CNNM2: variants seen among roughly 807,000 people sequenced by gnomAD.
CNNM2 encodes the protein metal transporter CNNM2.
Under a neutral mutation model 66.9 loss-of-function variants are expected in CNNM2, and 12 were observed. That is an observed-to-expected ratio of 0.18 (90% CI 0.11 to 0.29). CNNM2 has a LOEUF of 0.29. CNNM2 is among the 10% of genes least tolerant of loss of function. The pLI, the probability that CNNM2 is intolerant of heterozygous loss-of-function variation, is 1.00. For synonymous variants in CNNM2, 557 were observed against 501.8 expected (o/e 1.11, Z -1.47); for missense variants, 705 against 1,167.7 (o/e 0.60, Z 5.77).
chr10:102,980,325 T>G lies in CNNM2; in HGVS notation c.1621+60224T>G, dbSNP rs534664776. Among the ~76,000 whole-genome samples the G allele has an allele frequency of 7.8e-4, 109 of 139,942 alleles. No individual in the cohort carries two copies. The South Asian group carries it at 0.013, about 17-fold the overall frequency. The allele number at this position is 139,942 out of a possible 152,430, so 91.8% of individuals were successfully genotyped here. ...TCTATTTTATTTCAGTTTTAGTGGG[T>G]TTTTTTTTTTTTCATAGCTCACTGC... On this transcript the variant is annotated intron_variant, in intron 1 of 7. Coordinates refer to ENST00000369878, the MANE Select transcript of CNNM2 (RefSeq NM_017649.5).
chr10:102,967,580 C>T (rs993708260), intron 1 of CNNM2, among the ~76,000 whole-genome samples: 2 of 152,198 alleles, frequency 1.3e-5, no homozygotes, highest in African/African-American at 4.8e-5. Context: ...GAGGCTCAGC[C>T]ATGGTGTAGC....
intron 1 of CNNM2, among the ~76,000 whole-genome samples, chr10:102,983,687 T>C (rs1408250951): frequency 1.3e-5 from 2 of 151,934 alleles, no homozygotes; most frequent in African/African-American, 4.8e-5. Context: ...GTGCTCCTCC[T>C]TCCTTGTCTT....
chr10:102,926,790 A>G (rs1015789365), intron 1 of CNNM2, among the ~76,000 whole-genome samples: 17 of 141,780 alleles, frequency 1.2e-4, no homozygotes, highest in African/African-American at 4.3e-4. Context: ...ATATCGGCTC[A>G]CTGCAAGCTC....
Position 102,986,729 on chromosome 10 carries a change from G to A in CNNM2, c.1622-62978G>A, listed in dbSNP as rs369587995. On this transcript the variant is annotated intron_variant, in intron 1 of 7. Coordinates refer to ENST00000369878, the MANE Select transcript of CNNM2 (RefSeq NM_017649.5). Reference sequence around the variant, plus strand: ...TGGGAGGCGGAGCTTGCAGTGACCCGAGATTGCGCCACTGCACTCCAGCCG... The same window carrying A: ...TGGGAGGCGGAGCTTGCAGTGACCCAAGATTGCGCCACTGCACTCCAGCCG... 2.2e-3 allele frequency among the ~76,000 whole-genome samples: 319 copies of A among 146,186 alleles called. 3 individuals carry two copies. Among genetic ancestry groups the A allele is most frequent in the African/African-American group, 8.0e-3 (314 of 39,314 alleles).
At chr10:102,957,300 C>T (rs143944229) in intron 1 of CNNM2, among the ~76,000 whole-genome samples, 2,125 of 151,886 alleles carry the variant, frequency 0.014, 41 homozygotes, top group African/African-American at 0.048. Flanking sequence ...AGCGAGACTC[C>T]GTCTCAAAAA....
chr10:102,965,952 AC>A (rs1387406066), intron 1 of CNNM2, among the ~76,000 whole-genome samples: 3 of 152,152 alleles, frequency 2.0e-5, no homozygotes, highest in African/African-American at 7.2e-5. Flanking sequence ...GGTCTTTGTC[AC>A]AGCTGAGTCT....
chr10:103,034,059 A>G (rs1014114130), intron 1 of CNNM2, among the ~76,000 whole-genome samples: 1 of 152,028 alleles, frequency 6.6e-6, no homozygotes, highest in Non-Finnish European at 1.5e-5. Flanking sequence ...TACAGAAGAT[A>G]ATTAATACAT....
Position 102,943,811 on chromosome 10 carries a change from T to C in CNNM2, c.1621+23710T>C, listed in dbSNP as rs560404006. 1.6e-4 allele frequency among the ~76,000 whole-genome samples: 24 copies of C among 152,360 alleles called. 1 individual carries two copies. The South Asian group carries it at 5.0e-3, about 32-fold the overall frequency. On this transcript the variant is annotated intron_variant, in intron 1 of 7. Transcript: ENST00000369878. ...TGTTGTATATATATGTGTTTATGTC[T>C]GTACACATTGTCTGTAGTTAACACA...
intron 1 of CNNM2, among the ~76,000 whole-genome samples, chr10:103,023,231 A>G (rs1008723410): frequency 2.6e-5 from 4 of 152,166 alleles, no homozygotes; most frequent in Admixed American, 6.6e-5. Context: ...TTAAATGATC[A>G]GATCTTGGGT....
At chr10:102,928,757 G>GT (rs1353779405) in intron 1 of CNNM2, among the ~76,000 whole-genome samples, 5 of 152,226 alleles carry the variant, frequency 3.3e-5, no homozygotes, top group Admixed American at 6.5e-5. Context: ...TGAGGCGCTG[G>GT]TTCAGAGTCC....
chr10:103,055,520 G>C (rs536279798), intron 3 of CNNM2, among the ~76,000 whole-genome samples: 1 of 152,362 alleles, frequency 6.6e-6, no homozygotes, highest in South Asian at 2.1e-4. Context: ...GTATACATGA[G>C]CACACGTGCC....
At chr10:103,013,939 C>T (rs1041452952) in intron 1 of CNNM2, among the ~76,000 whole-genome samples, 1 of 152,194 alleles carries the variant, frequency 6.6e-6, no homozygotes, top group African/African-American at 2.4e-5. Flanking sequence ...GATGAGCTCT[C>T]ATCGTCTAAT....
chr10:102,978,847 A>T (rs1358071349), intron 1 of CNNM2, among the ~76,000 whole-genome samples: 2 of 152,094 alleles, frequency 1.3e-5, no homozygotes, highest in African/African-American at 4.8e-5. Flanking sequence ...TTTGTACTTT[A>T]TCTATAATAA....
intron 1 of CNNM2, among the ~76,000 whole-genome samples, chr10:103,041,155 C>T (rs993749964): frequency 6.6e-6 from 1 of 152,136 alleles, no homozygotes; most frequent in Non-Finnish European, 1.5e-5. Flanking sequence ...CACAACATTA[C>T]CTATTCCCCG....
rs987865731 is a variant in CNNM2 at position 103,067,096 on chromosome 10, CT to C, written c.2074-1517del. ...TAGTTTGCATCAGGTGGCATAGCATCTTTTTTTTTTTTTTTTCTTTGAGACA... is the reference window on the plus strand; with the variant it reads ...TAGTTTGCATCAGGTGGCATAGCATCTTTTTTTTTTTTTTTCTTTGAGACA... On this transcript the variant is annotated intron_variant, in intron 4 of 7. Transcript: ENST00000369878. Among the ~76,000 whole-genome samples, 1,218 of 141,394 alleles carry C rather than the reference CT, an allele frequency of 8.6e-3. 30 individuals carry two copies. The East Asian group carries it at 0.097, about 11-fold the overall frequency. The allele number at this position is 141,394 out of a possible 152,430, so 92.8% of individuals were successfully genotyped here.
chr10:103,006,698 C>T (rs376420265), intron 1 of CNNM2, among the ~76,000 whole-genome samples: 13 of 152,320 alleles, frequency 8.5e-5, no homozygotes, highest in African/African-American at 2.9e-4. Flanking sequence ...GCGATCTCAG[C>T]TTACCGCAGC....
intron 1 of CNNM2, chr10:102,927,522 G>A: frequency 1.3e-6 from 2 of 1,487,462 alleles, no homozygotes; most frequent in South Asian, 1.2e-5. Context: ...CACTTTGGGA[G>A]GCCCAGGGAG....
At chr10:103,041,922 T>C (rs1412457393) in intron 1 of CNNM2, among the ~76,000 whole-genome samples, 1 of 152,180 alleles carries the variant, frequency 6.6e-6, no homozygotes. Context: ...GTGATCTCAG[T>C]GGGTTTCTGG....
chr10:102,930,856 G>A (rs1846040090), intron 1 of CNNM2, among the ~76,000 whole-genome samples: 1 of 152,124 alleles, frequency 6.6e-6, no homozygotes. Flanking sequence ...CATCCATGTT[G>A]TAGCATGTAT....
Sources: gnomAD v4.1 joint callset for allele counts (sites outside exome capture counted in the v4.1 genomes callset) on GRCh38, gnomAD v4.1.1 for gene constraint, MANE v1.5 for transcripts, NCBI Gene and HGNC (gene_info 2026-07-23, HGNC 2026-07-21) for gene names.